CCNY: variants seen among roughly 807,000 people sequenced by gnomAD.
CCNY encodes the protein cyclin-Y.
Under a neutral mutation model 42.8 loss-of-function variants are expected in CCNY, and 19 were observed. The observed-to-expected ratio is 0.44, with a 90% CI of 0.31 to 0.65. The LOEUF (loss-of-function observed/expected upper bound fraction) is 0.65. Among genes scored for constraint, CCNY ranks in the 30% least tolerant of loss-of-function variants. The pLI is 0.07. For synonymous variants in CCNY, 165 were observed against 162.7 expected, an observed-to-expected ratio of 1.01 and a Z score of -0.11; for missense variants, 370 against 437.3, an observed-to-expected ratio of 0.85 and a Z score of 1.37.
intron 7 of CCNY, among the ~76,000 whole-genome samples, chr10:35,539,904 A>G (rs1840964291): frequency 6.6e-6 from 1 of 152,204 alleles, no homozygotes; most frequent in South Asian, 2.1e-4. Context: ...TAGAAATACA[A>G]TTTATTTTTA....
At chr10:35,402,992 G>T (rs1488691110) in intron 1 of CCNY, among the ~76,000 whole-genome samples, 1 of 152,148 alleles carries the variant, frequency 6.6e-6, no homozygotes, top group Non-Finnish European at 1.5e-5. Context: ...TGTGGGAAAG[G>T]TCTCTACCCA....
chr10:35,380,617 C>G (rs962593673), intron 1 of CCNY, among the ~76,000 whole-genome samples: 1 of 152,224 alleles, frequency 6.6e-6, no homozygotes, highest in South Asian at 2.1e-4. Context: ...ATATAGAGCA[C>G]TTCACATGCT....
At chr10:35,363,394 C>T (rs1027335702) in intron 1 of CCNY, among the ~76,000 whole-genome samples, 11 of 148,872 alleles carry the variant, frequency 7.4e-5, no homozygotes, top group Non-Finnish European at 5.9e-5. Flanking sequence ...GTTGGGGGGC[C>T]GGGCAGAGGT....
intron 5 of CCNY, among the ~76,000 whole-genome samples, chr10:35,527,790 G>T (rs1840682836): frequency 6.6e-6 from 1 of 152,228 alleles, no homozygotes; most frequent in Non-Finnish European, 1.5e-5. Context: ...TATGAGGAGG[G>T]ATGCCCGTCT....
chr10:35,327,108 C>A (rs1359345750), intron 3 of CCNY, among the ~76,000 whole-genome samples: 1 of 151,768 alleles, frequency 6.6e-6, no homozygotes, highest in Non-Finnish European at 1.5e-5. Context: ...CTAGGCTATT[C>A]TTTTTTGGAG....
chr10:35,538,325 A>T (rs943966991), intron 7 of CCNY, among the ~76,000 whole-genome samples: 1 of 152,172 alleles, frequency 6.6e-6, no homozygotes, highest in Non-Finnish European at 1.5e-5. Context: ...TTCTTTTGGT[A>T]TATATCTAGA....
chr10:35,318,985 CAG>C (rs1319112660), intron 3 of CCNY, among the ~76,000 whole-genome samples: 1 of 152,000 alleles, frequency 6.6e-6, no homozygotes, highest in Non-Finnish European at 1.5e-5. Flanking sequence ...TTTTTTGAGA[CAG>C]AGTCTCATAG....
chr10:35,542,290 G>T (rs1276143882), intron 7 of CCNY, among the ~76,000 whole-genome samples: 1 of 151,276 alleles, frequency 6.6e-6, no homozygotes, highest in Admixed American at 6.6e-5. Flanking sequence ...GGGATTGTAT[G>T]TTTTTTTGGA....
intron 1 of CCNY, among the ~76,000 whole-genome samples, chr10:35,363,708 G>C (rs1188976153): frequency 3.3e-5 from 5 of 152,196 alleles, no homozygotes; most frequent in Non-Finnish European, 7.3e-5. Flanking sequence ...GACACTGTCA[G>C]TCAGAGGAAA....
intron 1 of CCNY, among the ~76,000 whole-genome samples, chr10:35,365,928 G>A (rs1410660040): frequency 6.6e-6 from 1 of 152,200 alleles, no homozygotes; most frequent in African/African-American, 2.4e-5. Context: ...AGTGATTTGT[G>A]TGTGTCTAGG....
chr10:35,387,518 C>A (rs539011035), intron 1 of CCNY, among the ~76,000 whole-genome samples: 1 of 152,030 alleles, frequency 6.6e-6, no homozygotes, highest in African/African-American at 2.4e-5. Flanking sequence ...GTCGATTGAT[C>A]AGATAAACAA....
intron 3 of CCNY, among the ~76,000 whole-genome samples, chr10:35,274,371 G>C (rs945333253): frequency 6.6e-6 from 1 of 152,126 alleles, no homozygotes; most frequent in Non-Finnish European, 1.5e-5. Flanking sequence ...GATGAAATTT[G>C]GATGGAGACA....
chr10:35,259,012 G>T (rs1049395120), intron 3 of CCNY, among the ~76,000 whole-genome samples: 3 of 151,328 alleles, frequency 2.0e-5, no homozygotes, highest in African/African-American at 4.9e-5. Context: ...AGCTGCTACC[G>T]CACCAAGAGC....
At chr10:35,259,426 G>A (rs4444023) in intron 3 of CCNY, among the ~76,000 whole-genome samples, 54,635 of 149,550 alleles carry the variant, frequency 0.37, 10,427 homozygotes, top group African/African-American at 0.49. Context: ...AGCTGGTCTT[G>A]AACTCCTGGG....
Position 35,307,792 on chromosome 10 carries a change from GTGTGTGTGTA to G in CCNY, c.-9+57168_-9+57177del, listed in dbSNP as rs1176000002. On this transcript the variant is annotated intron_variant, in intron 3 of 11. Coordinates refer to the CCNY transcript ENST00000374706. ...TGTGTGTGTGTGTGTGTGTGTGTGT[GTGTGTGTGTA>G]TATATATATATATATATTTTTTTTT... 2.9e-3 allele frequency among the ~76,000 whole-genome samples: 235 copies of G among 81,166 alleles called. 3 individuals carry two copies. The highest frequency in any genetic ancestry group is 0.011 in the African/African-American group (185 of 16,870). The allele number at this position is 81,166 out of a possible 152,430, so 53.2% of individuals were successfully genotyped here.
At chr10:35,303,429 C>T (rs1378344233) in intron 3 of CCNY, among the ~76,000 whole-genome samples, 1 of 151,434 alleles carries the variant, frequency 6.6e-6, no homozygotes, top group Non-Finnish European at 1.5e-5. Context: ...ATCCTCCCGC[C>T]TCAGCCTCCC....
chr10:35,367,218 G>T (rs1383515178), intron 1 of CCNY, among the ~76,000 whole-genome samples: 1 of 152,076 alleles, frequency 6.6e-6, no homozygotes, highest in Non-Finnish European at 1.5e-5. Context: ...ACTGTAGAGT[G>T]TTCTATTTTA....
chr10:35,313,799 AC>A (rs1403276122), intron 3 of CCNY, among the ~76,000 whole-genome samples: 2 of 151,972 alleles, frequency 1.3e-5, no homozygotes, highest in African/African-American at 4.8e-5. Context: ...ATGTTGAAAC[AC>A]CGTCTCTACC....
chr10:35,566,862 C>T (rs866905478), intron 9 of CCNY, among the ~76,000 whole-genome samples: 10 of 151,744 alleles, frequency 6.6e-5, no homozygotes, highest in South Asian at 4.2e-4. Context: ...TGCACCACCA[C>T]GCCCAGCTAA....
Sources: allele counts gnomAD v4.1 joint callset (sites outside exome capture counted in the v4.1 genomes callset), GRCh38; gene constraint gnomAD v4.1.1; transcripts MANE v1.5; gene names NCBI Gene and HGNC (gene_info 2026-07-23, HGNC 2026-07-21).